Variants in FAM117B observed in about 807,000 individuals in gnomAD.
The protein encoded by FAM117B is family with sequence similarity 117 member B, also known as protein FAM117B.
In FAM117B, 22 loss-of-function variants were observed where a neutral mutation model predicts 52.8. That is an observed-to-expected ratio of 0.42 (90% CI 0.30 to 0.59). FAM117B has a LOEUF of 0.59. FAM117B is among the 20% of genes least tolerant of loss of function. FAM117B has a pLI of 0.22. For missense variants in FAM117B, 678 were observed against 802.6 expected, an observed-to-expected ratio of 0.84 and a Z score of 1.88; for synonymous variants, 309 against 324.1, an observed-to-expected ratio of 0.95 and a Z score of 0.50.
intron 2 of FAM117B, among the ~76,000 whole-genome samples, chr2:202,715,144 G>A (rs1274446224): frequency 1.3e-5 from 2 of 150,552 alleles, no homozygotes; most frequent in Admixed American, 6.6e-5. Flanking sequence ...CGGACGGGGC[G>A]GCTGGCCGGG....
At chr2:202,728,353 A>G (rs1351800242) in intron 4 of FAM117B, among the ~76,000 whole-genome samples, 2 of 152,218 alleles carry the variant, frequency 1.3e-5, no homozygotes, top group Non-Finnish European at 2.9e-5. Flanking sequence ...AATTAAAAAC[A>G]TGGTTATACA....
At chr2:202,665,223 C>T (rs181099689) in intron 1 of FAM117B, among the ~76,000 whole-genome samples, 3 of 151,640 alleles carry the variant, frequency 2.0e-5, no homozygotes, top group Admixed American at 2.0e-4. Context: ...GTATGCTGCC[C>T]AGCTGGAGTG....
intron 7 of FAM117B, among the ~76,000 whole-genome samples, chr2:202,761,212 G>T (rs1691883218): frequency 1.3e-5 from 2 of 152,226 alleles, no homozygotes; most frequent in African/African-American, 2.4e-5. Context: ...TGAGCTCTTT[G>T]ATTTACTCAT....
chr2:202,751,694 C>T (rs1691726129), intron 4 of FAM117B, among the ~76,000 whole-genome samples: 1 of 147,894 alleles, frequency 6.8e-6, no homozygotes, highest in South Asian at 2.1e-4. Flanking sequence ...ATCACTTGAA[C>T]CCGGGAGGCT....
chr2:202,750,667 C>T (rs375123956), intron 4 of FAM117B, among the ~76,000 whole-genome samples: 2 of 152,294 alleles, frequency 1.3e-5, no homozygotes, highest in African/African-American at 4.8e-5. Context: ...ATGTTCTAGG[C>T]TCTGTGCTTG....
chr2:202,739,377 T>G (rs957471890), intron 4 of FAM117B, among the ~76,000 whole-genome samples: 3 of 152,056 alleles, frequency 2.0e-5, no homozygotes, highest in Non-Finnish European at 4.4e-5. Context: ...TCCTTTTCCC[T>G]TTTCCTTCCC....
intron 1 of FAM117B, among the ~76,000 whole-genome samples, chr2:202,674,864 C>G (rs1690352692): frequency 6.6e-6 from 1 of 152,162 alleles, no homozygotes; most frequent in Admixed American, 6.5e-5. Flanking sequence ...CATGGAGTTT[C>G]TAGAGCTATA....
chr2:202,650,545 A>G (rs1689940974), intron 1 of FAM117B, among the ~76,000 whole-genome samples: 1 of 152,202 alleles, frequency 6.6e-6, no homozygotes, highest in Non-Finnish European at 1.5e-5. Flanking sequence ...ATTAAGGAGT[A>G]TTGACTCACG....
chr2:202,647,256 TTTATC>T (rs1277706473), intron 1 of FAM117B, among the ~76,000 whole-genome samples: 6 of 152,154 alleles, frequency 3.9e-5, no homozygotes, highest in African/African-American at 1.4e-4. Flanking sequence ...TTAACACAAT[TTTATC>T]TGAGAGCTTC....
intron 1 of FAM117B, 98 bp downstream of exon 1, chr2:202,635,886 G>A: frequency 8.4e-6 from 10 of 1,197,194 alleles, no homozygotes; most frequent in Non-Finnish European, 1.0e-5. Flanking sequence ...CTGCCGCGGA[G>A]CCCGGGTGGC....
At chr2:202,764,370 T>G (rs995833666) in intron 7 of FAM117B, among the ~76,000 whole-genome samples, 1 of 151,916 alleles carries the variant, frequency 6.6e-6, no homozygotes, top group African/African-American at 2.4e-5. Context: ...GGCCAAGCTA[T>G]CCTCCCACCT....
intron 1 of FAM117B, among the ~76,000 whole-genome samples, chr2:202,692,694 A>C (rs1471262674): frequency 6.6e-6 from 1 of 152,202 alleles, no homozygotes; most frequent in African/African-American, 2.4e-5. Context: ...TTTACGTATC[A>C]TCTTCGAATT....
At chr2:202,653,745 G>A (rs1469287030) in intron 1 of FAM117B, among the ~76,000 whole-genome samples, 1 of 151,990 alleles carries the variant, frequency 6.6e-6, no homozygotes, top group Non-Finnish European at 1.5e-5. Context: ...TTACTTGAAT[G>A]TATTATATCC....
At chr2:202,754,906 AAG>A (rs1553525039) in intron 4 of FAM117B, among the ~76,000 whole-genome samples, 19 of 151,040 alleles carry the variant, frequency 1.3e-4, no homozygotes, top group Admixed American at 3.3e-4. Flanking sequence ...AAAAAAAAAA[AAG>A]AGGCTTAATT....
At chr2:202,653,675 C>T (rs765220513) in intron 1 of FAM117B, among the ~76,000 whole-genome samples, 2 of 152,194 alleles carry the variant, frequency 1.3e-5, no homozygotes, top group Non-Finnish European at 2.9e-5. Context: ...GAAATTCACA[C>T]GTTAATTGAA....
intron 1 of FAM117B, among the ~76,000 whole-genome samples, chr2:202,672,183 A>G (rs570074382): frequency 1.3e-5 from 2 of 152,328 alleles, no homozygotes; most frequent in South Asian, 4.1e-4. Flanking sequence ...TGTTGAGCAT[A>G]TAATTAATTA....
At chr2:202,672,841 C>G (rs1690319118) in intron 1 of FAM117B, among the ~76,000 whole-genome samples, 1 of 151,918 alleles carries the variant, frequency 6.6e-6, no homozygotes, top group South Asian at 2.1e-4. Context: ...TCGTGACCAG[C>G]CTGGGCAACA....
At chr2:202,669,736 C>G (rs1412898957) in intron 1 of FAM117B, among the ~76,000 whole-genome samples, 1 of 152,076 alleles carries the variant, frequency 6.6e-6, no homozygotes, top group East Asian at 1.9e-4. Context: ...TGCTTTTTTT[C>G]CGCCTTATCC....
At position 202,670,040 on chromosome 2, in the gene FAM117B, A is replaced by T. The variant is rs1574549201; in HGVS notation, c.602-25841A>T. ...CACATACTGTCTAAGTACTTTCAGG[A>T]CATTCTCTTAGTTTCTTAATCTTTC... On this transcript the variant is annotated intron_variant, in intron 1 of 7. Transcript: ENST00000392238. Among the ~76,000 whole-genome samples the T allele has an allele frequency of 2.0e-5, 3 of 152,124 alleles. No homozygotes were observed. The South Asian group carries it at 6.2e-4, about 32-fold the overall frequency.
Sources: allele counts gnomAD v4.1 joint callset (sites outside exome capture counted in the v4.1 genomes callset), GRCh38; gene constraint gnomAD v4.1.1; transcripts MANE v1.5; gene names NCBI Gene and HGNC (gene_info 2026-07-23, HGNC 2026-07-21).